Variants in ACTN3 observed in about 807,000 individuals in gnomAD.
ACTN3 encodes the protein alpha-actinin-3.
ACTN3 carries 91 observed loss-of-function variants against 119.6 expected under a neutral mutation model. The ratio of observed to expected loss-of-function variants is 0.76; its 90% confidence interval spans 0.64 to 0.91. The LOEUF is 0.91. Among genes scored for constraint, ACTN3 ranks in the 40% least tolerant of loss-of-function variants. ACTN3 has a pLI of 0.00. For missense variants in ACTN3, 1,221 were observed against 1,215.1 expected, an observed-to-expected ratio of 1.00 and a Z score of -0.07; for synonymous variants, 456 against 478.8, an observed-to-expected ratio of 0.95 and a Z score of 0.62.
intron 5 of ACTN3, among the ~76,000 whole-genome samples, chr11:66,554,917 C>A (rs137992441): frequency 1.3e-5 from 2 of 152,098 alleles, no homozygotes; most frequent in Admixed American, 1.3e-4. Flanking sequence ...AGAAACTGGT[C>A]GGGCCTAAGC....
intron 3 of ACTN3, 154 bp from the exon 4 acceptor site, chr11:66,553,891 T>G (rs1396977661): frequency 6.4e-6 from 1 of 155,860 alleles, no homozygotes; most frequent in South Asian, 2.1e-4. Flanking sequence ...AAAGAGATGC[T>G]TATTGAGCAC....
chr11:66,559,960 G>C lies in ACTN3; in HGVS notation c.1428-8G>C, dbSNP rs372629956. 2 of 1,585,642 alleles carry C rather than the reference G, an allele frequency of 1.3e-6. No individual in the cohort carries two copies. The highest frequency in any genetic ancestry group is 1.3e-5 in the African/African-American group (1 of 74,282). On this transcript the variant is annotated splice_region_variant and splice_polypyrimidine_tract_variant and intron_variant, in intron 12 of 20. Transcript: ENST00000513398. ...TGGCCCCACACTCGCCCTACTTCTC[G>C]CTCCCAGTGAGCTGGACTACCACGA...
intron 14 of ACTN3, 36 bp downstream of exon 14, chr11:66,560,347 C>G: frequency 1.3e-6 from 2 of 1,589,098 alleles, no homozygotes; most frequent in Non-Finnish European, 1.7e-6. Context: ...GATAGGATGA[C>G]AGGAAAGCTG....
intron 7 of ACTN3, among the ~76,000 whole-genome samples, chr11:66,555,626 T>A (rs1222195941): frequency 6.6e-6 from 1 of 152,194 alleles, no homozygotes; most frequent in African/African-American, 2.4e-5. Flanking sequence ...CTGGGTTACC[T>A]GGGATGTTGG....
chr11:66,552,730 G>A (rs867678452), intron 3 of ACTN3, among the ~76,000 whole-genome samples: 4 of 151,854 alleles, frequency 2.6e-5, no homozygotes, highest in East Asian at 2.0e-4. Flanking sequence ...GGTGGCGCAC[G>A]CCTGTAATCC....
Position 66,555,348 on chromosome 11 carries a change from C to T in ACTN3, c.699C>T (p.Pro233=), listed in dbSNP as rs1207916766. 1.9e-6 allele frequency: 3 copies of T among 1,613,986 alleles called. No homozygotes were observed. Among genetic ancestry groups the T allele is most frequent in the Non-Finnish European group, 2.5e-6 (3 of 1,179,990 alleles). ...TGGCAGAGAAATACCTGGACATCCC[C>T]AAGATGTTGGATGCAGAAGGTGAGA... ...FEVAEKYLDI[P]KMLDAEDIVN... Residue 233 remains proline, a synonymous_variant, in exon 7 of 21, where the codon CCC becomes CCT. Transcript: ENST00000513398.
At chr11:66,557,551 T>C (rs780286689) in intron 9 of ACTN3, 148 bp from the exon 10 acceptor site, 6 of 812,834 alleles carry the variant, frequency 7.4e-6, no homozygotes, top group Non-Finnish European at 1.2e-5. Flanking sequence ...TTCTCTGACT[T>C]GTGGGGACTA....
At position 66,557,810 on chromosome 11, in the gene ACTN3, C is replaced by A; in HGVS notation, c.1009C>A (p.His337Asn). The change falls in exon 10 of 21, where the codon CAC becomes AAC. Residue 337 changes from histidine to asparagine, a missense_variant. Coordinates refer to ENST00000513398, the MANE Select transcript of ACTN3 (RefSeq NM_001104.4). ...GGACTTTCGGGACTACCGGCGTCTG[C>A]ACAAGCCGCCCCGCATTCAGGAAAA... ...LEDFRDYRRL[H>N]KPPRIQEKCQ... The A allele has an allele frequency of 6.2e-7, 1 of 1,614,078 alleles. No individual in the cohort carries two copies. The highest frequency in any genetic ancestry group is 8.5e-7 in the Non-Finnish European group (1 of 1,179,976).
chr11:66,560,021 G>T lies in ACTN3; in HGVS notation c.1481G>T (p.Cys494Phe). ...ASVNSRCQAI[C>F]DQWDNLGTLT... Reference sequence around the variant, plus strand: ...GTGAATAGCCGCTGCCAGGCCATCTGCGATCAGTGGGACAACCTGGGCACC... The same window carrying T: ...GTGAATAGCCGCTGCCAGGCCATCTTCGATCAGTGGGACAACCTGGGCACC... The change falls in exon 13 of 21, where the codon TGC becomes TTC. Residue 494 changes from cysteine to phenylalanine, a missense_variant. Physicochemically the swap from Cys to Phe is radical, Grantham distance 205. This residue lies in a region of ACTN3 where 934 missense variants were observed against 899.9 expected (regional missense o/e 1.04). Coordinates refer to ENST00000513398, the MANE Select transcript of ACTN3 (RefSeq NM_001104.4). 6.2e-7 allele frequency: 1 copy of T among 1,605,828 alleles called. No individual in the cohort carries two copies. Among genetic ancestry groups the T allele is most frequent in the Non-Finnish European group, 8.5e-7 (1 of 1,177,604 alleles).
rs1002212039 is a variant in ACTN3, at chr11:66,563,199, A to G, written c.*6A>G. The G allele has an allele frequency of 2.0e-5, 32 of 1,592,806 alleles. No homozygotes were observed. The highest frequency in any genetic ancestry group is 2.6e-5 in the Non-Finnish European group (30 of 1,167,168). On this transcript the variant is annotated 3_prime_UTR_variant, in exon 21 of 21. Transcript: ENST00000513398. ...ATGGGGAGAGCGACCTTTGACCCCA[A>G]CCACTGAGGTTCTCTATGCAAGATG...
rs34515982 is a variant in ACTN3 at position 66,555,168 on chromosome 11, G to C, written c.596G>C (p.Arg199Pro). ...CTGGCCCTCTGTGCCCTCATCCACC[G>C]ACACCGCCCTGACCTCATCGACTAC... is the stretch of plus-strand genomic sequence containing the variant. Reference protein sequence around the residue: ...DGLALCALIHRHRPDLIDYAK... With the variant: ...DGLALCALIHPHRPDLIDYAK... Residue 199 changes from arginine (R) to proline (P), a missense_variant, in exon 6 of 21, where the codon CGA (arginine) becomes CCA (proline). Around this residue, in one of 3 missense-constraint regions of ACTN3, gnomAD observed 48 missense variants for 83.4 expected, o/e 0.58. Transcript: ENST00000513398. 2 of 1,613,880 alleles carry C rather than the reference G, an allele frequency of 1.2e-6. No homozygotes were observed.
intron 5 of ACTN3, 64 bp from the exon 6 acceptor site, chr11:66,555,066 G>A (rs1857559421): frequency 6.8e-7 from 1 of 1,480,360 alleles, no homozygotes; most frequent in Non-Finnish European, 9.4e-7. Context: ...GGTGCTCCTG[G>A]GCCGAGGGGA....
intron 11 of ACTN3, 185 bp downstream of exon 11, chr11:66,558,359 A>G (rs2000939): frequency 0.55 from 193,316 of 349,316 alleles, 55,521 homozygotes; most frequent in African/African-American, 0.75. Context: ...TCTTTTGGCC[A>G]CTGCCCCTCT....
chr11:66,546,979 G>T lies in ACTN3; in HGVS notation c.42G>T (p.Glu14Asp). Reference sequence around the variant, plus strand: ...AGCCCGAGGGTCTGGGGGCCGGGGAGGGGCGCTTTGCGGGCGGCGGCGGGG... The same window carrying T: ...AGCCCGAGGGTCTGGGGGCCGGGGATGGGCGCTTTGCGGGCGGCGGCGGGG... ...VMQPEGLGAG[E>D]GRFAGGGGGG... Residue 14 changes from glutamate to aspartate, a missense_variant, in exon 1 of 21, where the codon GAG becomes GAT. Transcript: ENST00000513398. 1 of 1,523,420 alleles carries T rather than the reference G, an allele frequency of 6.6e-7. No homozygotes were observed. 94.4% of individuals were successfully genotyped at this position (1,523,420 alleles called of 1,614,324 possible).
In ACTN3 at chr11:66,554,522, T is replaced by TC. The variant is rs750301992; in HGVS notation, c.470-8dup. The TC allele has an allele frequency of 6.6e-7, 1 of 1,518,592 alleles. No homozygotes were observed. The highest frequency in any genetic ancestry group is 1.8e-5 in the Admixed American group (1 of 55,898). 94.1% of individuals were successfully genotyped at this position (1,518,592 alleles called of 1,614,324 possible). On this transcript the variant is annotated splice_polypyrimidine_tract_variant and intron_variant, in intron 4 of 20. Transcript: ENST00000513398. ...CCCCTTCCCAATGAATCCTCCCACC[T>TC]CCCCCCGACCCAGAAACCTCAGCCA...
chr11:66,551,913 T>G (rs187353633), intron 3 of ACTN3, among the ~76,000 whole-genome samples: 1 of 151,924 alleles, frequency 6.6e-6, no homozygotes, highest in East Asian at 1.9e-4. Flanking sequence ...CTATTTCTAC[T>G]AAAAATACAA....
intron 18 of ACTN3, 30 bp from the exon 19 acceptor site, chr11:66,562,227 C>T (rs1452066429): frequency 1.2e-6 from 2 of 1,613,794 alleles, no homozygotes; most frequent in Non-Finnish European, 1.7e-6. Context: ...AGGCTGGAGA[C>T]CAAGCCTGAT....
In ACTN3 at chr11:66,558,106, T is replaced by G; in HGVS notation, c.1208T>G (p.Leu403Arg). The change falls in exon 11 of 21, where the codon CTG becomes CGG. Residue 403 changes from leucine to arginine, a missense_variant. Leu to Arg is a moderately radical substitution (Grantham distance 102, BLOSUM62 -2). Transcript: ENST00000513398. ...EDWLLSEIRR[L>R]QRLQHLAEKF... Reference sequence around the variant, plus strand: ...TGGCTGCTCTCGGAGATCCGGCGCCTGCAGCGACTCCAGCACCTGGCTGAG... The same window carrying G: ...TGGCTGCTCTCGGAGATCCGGCGCCGGCAGCGACTCCAGCACCTGGCTGAG... The G allele has an allele frequency of 6.2e-7, 1 of 1,613,890 alleles. No individual in the cohort carries two copies. The highest frequency in any genetic ancestry group is 8.5e-7 in the Non-Finnish European group (1 of 1,179,888).
At chr11:66,546,530 T>G (rs1857343614), upstream of ACTN3, 1 of 1,535,276 alleles carries the variant, frequency 6.5e-7, no homozygotes, top group African/African-American at 1.4e-5. Flanking sequence ...GGGCTCTGTG[T>G]CCCACCAGCG....
Sources: gnomAD v4.1 joint callset for allele counts (sites outside exome capture counted in the v4.1 genomes callset) on GRCh38, gnomAD v4.1.1 for gene constraint, gnomAD v4.1.1 regional missense constraint, MANE v1.5 for transcripts, NCBI Gene and HGNC (gene_info 2026-07-23, HGNC 2026-07-21) for gene names.